DOCK1: variants seen among roughly 807,000 people sequenced by gnomAD.
DOCK1 encodes dedicator of cytokinesis 1, also known as dedicator of cytokinesis protein 1.
DOCK1 carries 138 observed loss-of-function variants against 262.7 expected under a neutral mutation model. That is an observed-to-expected ratio of 0.53 (90% CI 0.46 to 0.61). The LOEUF (loss-of-function observed/expected upper bound fraction) is 0.61. DOCK1 is among the 20% of genes least tolerant of loss of function. DOCK1 has a pLI of 0.00. For missense variants in DOCK1, 1,908 were observed against 2,370.7 expected (o/e 0.80, Z 4.05); for synonymous variants, 866 against 867.4 (o/e 1.00, Z 0.03).
At chr10:127,169,008 A>G (rs546688491) in intron 27 of DOCK1, among the ~76,000 whole-genome samples, 1 of 152,330 alleles carries the variant, frequency 6.6e-6, no homozygotes, top group African/African-American at 2.4e-5. Flanking sequence ...ATATGAGGAC[A>G]TAAGATACAG....
At chr10:127,134,007 A>G (rs2050490166) in intron 27 of DOCK1, among the ~76,000 whole-genome samples, 1 of 152,254 alleles carries the variant, frequency 6.6e-6, no homozygotes, top group African/African-American at 2.4e-5. Flanking sequence ...CTGATTCATA[A>G]TGAAATCAAC....
intron 27 of DOCK1, among the ~76,000 whole-genome samples, chr10:127,229,105 C>T (rs12355034): frequency 0.075 from 11,354 of 151,958 alleles, 540 homozygotes; most frequent in Non-Finnish European, 0.11. Context: ...CGTGGTGGTG[C>T]GCACCTGTAA....
At chr10:127,342,054 T>C (rs779469944) in intron 30 of DOCK1, among the ~76,000 whole-genome samples, 10 of 152,066 alleles carry the variant, frequency 6.6e-5, no homozygotes, top group Admixed American at 2.0e-4. Flanking sequence ...AGCATTCGTG[T>C]TTTGTTGTTG....
At chr10:127,054,783 C>G (rs1252591934) in intron 22 of DOCK1, among the ~76,000 whole-genome samples, 1 of 152,164 alleles carries the variant, frequency 6.6e-6, no homozygotes. Flanking sequence ...AGTTTGTGAT[C>G]AATATGACAT....
intron 51 of DOCK1, among the ~76,000 whole-genome samples, chr10:127,448,493 C>T (rs1393084238): frequency 6.6e-6 from 1 of 152,242 alleles, no homozygotes; most frequent in Middle Eastern, 3.2e-3. Flanking sequence ...GCCCCATCCT[C>T]ATGTCGGGCC....
chr10:127,364,475 T>C (rs974236006), intron 33 of DOCK1, among the ~76,000 whole-genome samples: 2 of 152,210 alleles, frequency 1.3e-5, no homozygotes, highest in African/African-American at 4.8e-5. Context: ...CAAGTGATTC[T>C]CCTGCCTCAG....
chr10:127,050,355 A>G (rs1043512889), intron 21 of DOCK1, among the ~76,000 whole-genome samples: 1 of 151,560 alleles, frequency 6.6e-6, no homozygotes, highest in African/African-American at 2.4e-5. Flanking sequence ...TTTTCCAACT[A>G]TTATATATAA....
chr10:127,373,705 T>C, intron 33 of DOCK1, 76 bp from the exon 34 acceptor site: 1 of 1,340,674 alleles, frequency 7.5e-7, no homozygotes, highest in Non-Finnish European at 1.0e-6. Context: ...TGCCGATTTA[T>C]GTTCTATTGA....
chr10:127,280,035 A>AAAT (rs1590248247), intron 29 of DOCK1, among the ~76,000 whole-genome samples: 1 of 59,790 alleles, frequency 1.7e-5, no homozygotes, highest in African/African-American at 7.5e-5. Flanking sequence ...TATATATATA[A>AAAT]TTTTTTTTTT....
At chr10:127,330,609 A>G (rs1365135237) in intron 29 of DOCK1, among the ~76,000 whole-genome samples, 5 of 152,208 alleles carry the variant, frequency 3.3e-5, no homozygotes, top group Non-Finnish European at 5.9e-5. Context: ...ATCATAAGGT[A>G]CATAAATTTG....
intron 29 of DOCK1, among the ~76,000 whole-genome samples, chr10:127,326,499 A>C (rs1357165953): frequency 1.3e-5 from 2 of 152,198 alleles, no homozygotes; most frequent in African/African-American, 4.8e-5. Context: ...AGATTGCAGC[A>C]ATTCAGTCAC....
chr10:126,949,767 T>A (rs1355969464), intron 1 of DOCK1, among the ~76,000 whole-genome samples: 2 of 152,114 alleles, frequency 1.3e-5, no homozygotes, highest in African/African-American at 4.8e-5. Flanking sequence ...AGTCCTTGTA[T>A]GATATTGGGT....
chr10:127,372,676 A>T (rs1312940063), intron 33 of DOCK1, among the ~76,000 whole-genome samples: 1 of 152,148 alleles, frequency 6.6e-6, no homozygotes, highest in Non-Finnish European at 1.5e-5. Context: ...GATCCTAATA[A>T]CAGCAGGCGG....
At chr10:127,418,332 G>T in intron 44 of DOCK1, 33 bp from the exon 45 acceptor site, 1 of 1,563,924 alleles carries the variant, frequency 6.4e-7, no homozygotes, top group East Asian at 2.3e-5. Flanking sequence ...GGCAGCTGTG[G>T]GGCTGACATC....
intron 27 of DOCK1, among the ~76,000 whole-genome samples, chr10:127,140,601 G>C (rs190009198): frequency 5.9e-4 from 43 of 72,472 alleles, no homozygotes; most frequent in Admixed American, 5.0e-3. Flanking sequence ...TTTTCTTGGG[G>C]AAGCACACCA....
chr10:127,349,223 C>G (rs569241539), intron 31 of DOCK1, among the ~76,000 whole-genome samples: 6 of 152,136 alleles, frequency 3.9e-5, no homozygotes, highest in South Asian at 2.1e-4. Flanking sequence ...CCACCCACTC[C>G]GATGCTGGCT....
chr10:127,036,043 T>TAAATAAAA (rs1554870785), intron 18 of DOCK1, among the ~76,000 whole-genome samples: 4,050 of 147,204 alleles, frequency 0.028, 102 homozygotes, highest in Admixed American at 0.085. Context: ...AATAAATAAA[T>TAAATAAAA]AAAAAAGAGT....
chr10:127,257,273 G>A lies in DOCK1; in HGVS notation c.2950-62G>A. The A allele has an allele frequency of 5.4e-6, 7 of 1,293,680 alleles. No individual in the cohort carries two copies. The Admixed American group carries it at 1.2e-4, about 22-fold the overall frequency. The allele number at this position is 1,293,680 out of a possible 1,614,324, so 80.1% of individuals were successfully genotyped here. A position where few individuals can be genotyped will look rare whatever the true frequency, so the allele number is the denominator to read the frequency against. On this transcript the variant is annotated intron_variant, in intron 28 of 51. Coordinates refer to ENST00000623213, the MANE Select transcript of DOCK1 (RefSeq NM_001290223.2). ...GGGTATTTTATAATCTAATTGACAG[G>A]AGGGTATCATGTTTACCTTTTTCTT...
At chr10:127,039,296 A>C (rs1002199944) in intron 19 of DOCK1, among the ~76,000 whole-genome samples, 2 of 151,992 alleles carry the variant, frequency 1.3e-5, no homozygotes, top group African/African-American at 4.8e-5. Context: ...GGTGAAATAC[A>C]TGAACGTAGT....
Sources: gnomAD v4.1 joint callset for allele counts (sites outside exome capture counted in the v4.1 genomes callset) on GRCh38, gnomAD v4.1.1 for gene constraint, MANE v1.5 for transcripts, NCBI Gene and HGNC (gene_info 2026-07-23, HGNC 2026-07-21) for gene names.